The following DNAH11 variants were observed in gnomAD, a reference collection of about 807,000 sequenced individuals.
DNAH11 encodes the protein dynein axonemal heavy chain 11.
Under a neutral mutation model 526.0 loss-of-function variants are expected in DNAH11, and 442 were observed. The ratio of observed to expected loss-of-function variants is 0.84; its 90% CI spans 0.78 to 0.91. The LOEUF (loss-of-function observed/expected upper bound fraction) is 0.91, where lower values mean the gene tolerates loss of function less well. Ranked by LOEUF, DNAH11 falls within the 40% of genes least tolerant of loss-of-function variation. The pLI, the probability that DNAH11 is intolerant of heterozygous loss-of-function variation, is 0.00. For missense variants in DNAH11, 6,989 were observed against 5,448.7 expected (o/e 1.28, Z -8.90); for synonymous variants, 2,461 against 1,935.9 (o/e 1.27, Z -7.12).
chr7:21,885,671 G>C (rs1734647846), intron 76 of DNAH11, among the ~76,000 whole-genome samples: 2 of 152,218 alleles, frequency 1.3e-5, no homozygotes, highest in South Asian at 4.2e-4. Context: ...CTGATTGCCT[G>C]ATTTGATCAT....
intron 51 of DNAH11, among the ~76,000 whole-genome samples, chr7:21,746,204 C>G (rs1332718646): frequency 6.6e-6 from 1 of 152,214 alleles, no homozygotes; most frequent in African/African-American, 2.4e-5. Flanking sequence ...TCCGATACTG[C>G]TCTCCTAGTC....
At chr7:21,553,618 A>C (rs1210791659) in intron 2 of DNAH11, among the ~76,000 whole-genome samples, 1 of 152,044 alleles carries the variant, frequency 6.6e-6, no homozygotes. Flanking sequence ...TCTTTTTTCC[A>C]TTTAGGGCAT....
intron 35 of DNAH11, 127 bp downstream of exon 35, chr7:21,691,008 G>T: frequency 2.9e-6 from 2 of 679,042 alleles, no homozygotes; most frequent in Non-Finnish European, 2.5e-6. Context: ...ATTTCCTTGG[G>T]CTCCTTTTAT....
chr7:21,680,142 A>T (rs1783079281), intron 30 of DNAH11, among the ~76,000 whole-genome samples: 1 of 152,152 alleles, frequency 6.6e-6, no homozygotes, highest in Non-Finnish European at 1.5e-5. Context: ...TCTAGCCTCC[A>T]GCCGCACGGC....
chr7:21,599,040 A>T (rs1784970513), intron 14 of DNAH11, among the ~76,000 whole-genome samples: 1 of 152,186 alleles, frequency 6.6e-6, no homozygotes, highest in Non-Finnish European at 1.5e-5. Flanking sequence ...TAGTGCTATA[A>T]TGAACATACA....
At chr7:21,874,975 C>G (rs988982475) in intron 74 of DNAH11, among the ~76,000 whole-genome samples, 11 of 152,154 alleles carry the variant, frequency 7.2e-5, no homozygotes, top group Non-Finnish European at 1.3e-4. Flanking sequence ...ACATCCTTAG[C>G]TTCTTTTCTC....
At chr7:21,555,641 A>G (rs540873295) in intron 2 of DNAH11, among the ~76,000 whole-genome samples, 35 of 152,292 alleles carry the variant, frequency 2.3e-4, no homozygotes, top group African/African-American at 8.2e-4. Context: ...CCAACCACCA[A>G]GGCAGTACCT....
chr7:21,882,281 G>A (rs1162371528), intron 75 of DNAH11, among the ~76,000 whole-genome samples: 3 of 152,146 alleles, frequency 2.0e-5, no homozygotes, highest in Non-Finnish European at 4.4e-5. Flanking sequence ...ACTGTGTCCT[G>A]CTTTTTTTTC....
At chr7:21,720,165 C>G (rs1799502113) in intron 43 of DNAH11, among the ~76,000 whole-genome samples, 1 of 152,186 alleles carries the variant, frequency 6.6e-6, no homozygotes, top group Non-Finnish European at 1.5e-5. Context: ...AGCTGCCAGT[C>G]CAACATTCTA....
intron 25 of DNAH11, among the ~76,000 whole-genome samples, chr7:21,627,102 A>G (rs1243873566): frequency 6.6e-6 from 1 of 152,072 alleles, no homozygotes; most frequent in African/African-American, 2.4e-5. Flanking sequence ...TTTTAAAATC[A>G]GATTGGGGTT....
intron 54 of DNAH11, among the ~76,000 whole-genome samples, chr7:21,753,224 G>C (rs994159456): frequency 6.6e-6 from 1 of 152,098 alleles, no homozygotes; most frequent in Non-Finnish European, 1.5e-5. Context: ...GTTCCAGGCA[G>C]GGGGAAGGAA....
At chr7:21,846,715 C>G (rs190428037) in intron 66 of DNAH11, among the ~76,000 whole-genome samples, 1 of 152,154 alleles carries the variant, frequency 6.6e-6, no homozygotes, top group Admixed American at 6.5e-5. Flanking sequence ...TAGGGTAATG[C>G]TTGCCCTATA....
At chr7:21,895,747 TGAGACA>T (rs1784488814) in intron 79 of DNAH11, among the ~76,000 whole-genome samples, 1 of 152,214 alleles carries the variant, frequency 6.6e-6, no homozygotes, top group Non-Finnish European at 1.5e-5. Context: ...TCTTTCTTTT[TGAGACA>T]GAGTCTCACT....
chr7:21,885,249 C>T (rs1199210077), intron 76 of DNAH11, among the ~76,000 whole-genome samples: 1 of 145,654 alleles, frequency 6.9e-6, no homozygotes, highest in Admixed American at 6.9e-5. Flanking sequence ...TATAGAATTC[C>T]CGTTAATATT....
intron 65 of DNAH11, among the ~76,000 whole-genome samples, chr7:21,828,434 A>G (rs1231657255): frequency 6.6e-6 from 1 of 152,174 alleles, no homozygotes. Context: ...CAGCTTTTCT[A>G]TTCCTAAATT....
At chr7:21,640,319 T>TG (rs1372873533) in intron 28 of DNAH11, among the ~76,000 whole-genome samples, 3 of 152,320 alleles carry the variant, frequency 2.0e-5, no homozygotes, top group African/African-American at 7.2e-5. Context: ...AATAAGCCCC[T>TG]GAGGGCATCC....
At chr7:21,773,691 A>G (rs1318120422) in intron 55 of DNAH11, 75 bp from the exon 56 acceptor site, 1 of 990,318 alleles carries the variant, frequency 1.0e-6, no homozygotes, top group Non-Finnish European at 1.3e-6. Flanking sequence ...AAAAATGATC[A>G]TTTACTTGAT....
intron 48 of DNAH11, 137 bp downstream of exon 48, chr7:21,739,810 A>G (rs1785794412): frequency 1.6e-6 from 1 of 623,570 alleles, no homozygotes; most frequent in African/African-American, 1.9e-5. Context: ...CCCACTAACA[A>G]CAGACAGGGG....
chr7:21,561,864 A>G (rs1457454411), intron 5 of DNAH11, among the ~76,000 whole-genome samples: 1 of 152,214 alleles, frequency 6.6e-6, no homozygotes, highest in African/African-American at 2.4e-5. Context: ...GATAATATGG[A>G]CAAGTAACTT....
Sources: allele counts gnomAD v4.1 joint callset (sites outside exome capture counted in the v4.1 genomes callset), GRCh38; gene constraint gnomAD v4.1.1; transcripts MANE v1.5; gene names NCBI Gene and HGNC (gene_info 2026-07-23, HGNC 2026-07-21).